ERBB4: variants seen among roughly 807,000 people sequenced by gnomAD.
ERBB4 encodes receptor tyrosine-protein kinase erbB-4.
Under a neutral mutation model 158.0 loss-of-function variants are expected in ERBB4, and 42 were observed. That is an observed-to-expected ratio of 0.27 (90% CI 0.21 to 0.34). ERBB4 has a LOEUF of 0.34. ERBB4 is among the 10% of genes least tolerant of loss of function. ERBB4 has a pLI of 1.00. For synonymous variants in ERBB4, 583 were observed against 558.7 expected, an observed-to-expected ratio of 1.04 and a Z score of -0.61; for missense variants, 1,333 against 1,624.1, an observed-to-expected ratio of 0.82 and a Z score of 3.08.
At chr2:212,238,569 A>G (rs2083966331) in intron 1 of ERBB4, among the ~76,000 whole-genome samples, 1 of 152,180 alleles carries the variant, frequency 6.6e-6, no homozygotes, top group South Asian at 2.1e-4. Context: ...TCAAACTTAA[A>G]TAGTTTTTAA....
chr2:212,371,398 C>T (rs1394141776), intron 1 of ERBB4, among the ~76,000 whole-genome samples: 2 of 152,238 alleles, frequency 1.3e-5, no homozygotes, highest in Non-Finnish European at 2.9e-5. Flanking sequence ...ATGTCAAATA[C>T]ATGCCATGCT....
intron 3 of ERBB4, among the ~76,000 whole-genome samples, chr2:211,793,008 G>A (rs1298030650): frequency 6.6e-6 from 1 of 151,678 alleles, no homozygotes; most frequent in African/African-American, 2.4e-5. Flanking sequence ...TCTCTGCCCT[G>A]TATGAAATGA....
In ERBB4 at chr2:212,446,622, T is replaced by C. The variant is rs1480117864; in HGVS notation, c.82+91827A>G. 2.4e-5 allele frequency among the ~76,000 whole-genome samples: 2 copies of C among 83,750 alleles called. 1 individual carries two copies. Among genetic ancestry groups the C allele is most frequent in the East Asian group, 7.3e-4 (2 of 2,728 alleles). 54.9% of individuals were successfully genotyped at this position (83,750 alleles called of 152,430 possible). Reference sequence around the variant, plus strand: ...ATATATATATATATATATATATATATATATATATATATATATCCTATTAGT... The same window carrying C: ...ATATATATATATATATATATATATACATATATATATATATATCCTATTAGT... On this transcript the variant is annotated intron_variant, in intron 1 of 27. Transcript: ENST00000342788.
chr2:211,735,249 T>C (rs1291836539), intron 5 of ERBB4, among the ~76,000 whole-genome samples: 4 of 152,030 alleles, frequency 2.6e-5, no homozygotes, highest in Admixed American at 2.0e-4. Flanking sequence ...TAAAATAACC[T>C]GTGCATTTGG....
intron 3 of ERBB4, among the ~76,000 whole-genome samples, chr2:211,897,864 C>T (rs999815888): frequency 2.6e-5 from 4 of 152,046 alleles, no homozygotes; most frequent in African/African-American, 9.7e-5. Flanking sequence ...CCTTCTCAGC[C>T]TCCCATCTCA....
At chr2:212,205,924 CA>C (rs2082732637) in intron 1 of ERBB4, among the ~76,000 whole-genome samples, 1 of 152,180 alleles carries the variant, frequency 6.6e-6, no homozygotes, top group Admixed American at 6.5e-5. Context: ...GTAATCTTAA[CA>C]TCCAAAAAGT....
intron 6 of ERBB4, 151 bp from the exon 7 acceptor site, chr2:211,722,685 T>G: frequency 1.2e-6 from 1 of 843,414 alleles, no homozygotes. Context: ...TTTCCAAAAT[T>G]TCATAAAACT....
intron 3 of ERBB4, among the ~76,000 whole-genome samples, chr2:211,878,844 G>A (rs989957644): frequency 1.1e-4 from 16 of 151,860 alleles, no homozygotes; most frequent in Non-Finnish European, 2.2e-4. Flanking sequence ...AACAAAAATT[G>A]CATTAGAGAA....
chr2:211,875,931 G>A (rs577356734), intron 3 of ERBB4, among the ~76,000 whole-genome samples: 8 of 152,270 alleles, frequency 5.3e-5, no homozygotes, highest in South Asian at 2.1e-4. Context: ...TAGCCCAGAC[G>A]TGTAGGAGGC....
intron 1 of ERBB4, among the ~76,000 whole-genome samples, chr2:212,360,269 C>A: frequency 6.6e-6 from 1 of 151,610 alleles, no homozygotes; most frequent in South Asian, 2.1e-4. Context: ...GAGTTAACTT[C>A]CACTCTCTCT....
intron 5 of ERBB4, among the ~76,000 whole-genome samples, chr2:211,727,078 A>G (rs2074292086): frequency 6.6e-6 from 1 of 152,166 alleles, no homozygotes; most frequent in African/African-American, 2.4e-5. Context: ...TTTTCTCACT[A>G]TTGCTTCTGA....
chr2:211,701,866 G>C, intron 12 of ERBB4, 101 bp downstream of exon 12: 2 of 860,186 alleles, frequency 2.3e-6, no homozygotes, highest in Non-Finnish European at 3.9e-6. Context: ...GGATAACAGA[G>C]CAACAATTCT....
chr2:212,124,149 T>C (rs2079846096), intron 2 of ERBB4, among the ~76,000 whole-genome samples: 1 of 152,084 alleles, frequency 6.6e-6, no homozygotes, highest in Admixed American at 6.5e-5. Flanking sequence ...CAAAAAATAA[T>C]AATAATAATT....
At chr2:212,272,306 G>A (rs1414339596) in intron 1 of ERBB4, among the ~76,000 whole-genome samples, 4 of 151,632 alleles carry the variant, frequency 2.6e-5, no homozygotes, top group Non-Finnish European at 5.9e-5. Flanking sequence ...AAACAGTCCA[G>A]AAGTATACAC....
intron 19 of ERBB4, among the ~76,000 whole-genome samples, chr2:211,606,806 T>A (rs1397299413): frequency 6.6e-6 from 1 of 152,188 alleles, no homozygotes; most frequent in Non-Finnish European, 1.5e-5. Context: ...ATTCATTAAG[T>A]AAGTGAATGC....
intron 1 of ERBB4, among the ~76,000 whole-genome samples, chr2:212,191,897 T>TAATACATATGTTACATATGTTA (rs2082252142): frequency 7.4e-6 from 1 of 135,704 alleles, no homozygotes; most frequent in African/African-American, 2.8e-5. Context: ...ATGTTATATA[T>TAATACATATGTTACATATGTTA]TATATATGAT....
At chr2:212,321,505 A>G (rs1378315091) in intron 1 of ERBB4, among the ~76,000 whole-genome samples, 1 of 150,552 alleles carries the variant, frequency 6.6e-6, no homozygotes, top group East Asian at 2.0e-4. Flanking sequence ...CCTGGGCAAC[A>G]TAGCAAGACT....
intron 1 of ERBB4, among the ~76,000 whole-genome samples, chr2:212,296,331 A>T (rs999832859): frequency 6.6e-6 from 1 of 151,918 alleles, no homozygotes; most frequent in Non-Finnish European, 1.5e-5. Flanking sequence ...ATAGAAAGGA[A>T]CAAGGAAACT....
intron 1 of ERBB4, among the ~76,000 whole-genome samples, chr2:212,310,769 T>A (rs1487388014): frequency 1.3e-5 from 2 of 150,318 alleles, no homozygotes; most frequent in Non-Finnish European, 3.0e-5. Context: ...ACCATGAAAA[T>A]CAGGAAATAT....
Sources: allele counts gnomAD v4.1 joint callset (sites outside exome capture counted in the v4.1 genomes callset), GRCh38; gene constraint gnomAD v4.1.1; transcripts MANE v1.5; gene names NCBI Gene and HGNC (gene_info 2026-07-23, HGNC 2026-07-21).